The following CCDC85A variants were observed in gnomAD, a reference collection of about 807,000 sequenced individuals.
The protein encoded by CCDC85A is coiled-coil domain-containing protein 85A.
CCDC85A carries 38 observed loss-of-function variants against 50.2 expected under a neutral mutation model. That is an observed-to-expected ratio of 0.76 (90% CI 0.58 to 0.99). CCDC85A has a LOEUF of 0.99. Among genes scored for constraint, CCDC85A ranks in the 50% least tolerant of loss-of-function variants. The pLI is 0.00. For missense variants in CCDC85A, 820 were observed against 742.0 expected, an observed-to-expected ratio of 1.11 and a Z score of -1.22; for synonymous variants, 366 against 301.4, an observed-to-expected ratio of 1.21 and a Z score of -2.22.
intron 2 of CCDC85A, among the ~76,000 whole-genome samples, chr2:56,194,127 A>G (rs1222325969): frequency 1.3e-5 from 2 of 152,182 alleles, no homozygotes; most frequent in Non-Finnish European, 2.9e-5. Context: ...ACATATTCCA[A>G]ATAATATGCT....
intron 2 of CCDC85A, among the ~76,000 whole-genome samples, chr2:56,220,933 C>T (rs1376485844): frequency 1.3e-5 from 2 of 151,998 alleles, no homozygotes; most frequent in Non-Finnish European, 2.9e-5. Flanking sequence ...TAAATGGTCT[C>T]TCCATTTGCA....
At chr2:56,213,297 C>T (rs1463368483) in intron 2 of CCDC85A, among the ~76,000 whole-genome samples, 3 of 151,956 alleles carry the variant, frequency 2.0e-5, no homozygotes, top group African/African-American at 7.2e-5. Context: ...ATTTCAAGCT[C>T]ACTTAGTCCT....
intron 1 of CCDC85A, among the ~76,000 whole-genome samples, chr2:56,188,214 C>G (rs888749750): frequency 1.3e-5 from 2 of 152,168 alleles, no homozygotes; most frequent in African/African-American, 2.4e-5. Flanking sequence ...TTTGAAGAAG[C>G]TGGATCACAA....
rs374629664 is a variant in CCDC85A, at chr2:56,253,511, C to G, written c.1240+60071C>G. On this transcript the variant is annotated intron_variant, in intron 2 of 5. Transcript: ENST00000407595. Reference sequence around the variant, plus strand: ...AGCCATAGTACAGGTTTCATCTCATCCTAAAAGCAGCTGAGTTAGGGAGGG... The same window carrying G: ...AGCCATAGTACAGGTTTCATCTCATGCTAAAAGCAGCTGAGTTAGGGAGGG... 9.1e-4 allele frequency among the ~76,000 whole-genome samples: 139 copies of G among 152,092 alleles called. 1 individual carries two copies. The highest frequency in any genetic ancestry group is 1.9e-3 in the South Asian group (9 of 4,812).
chr2:56,184,613 C>G lies in CCDC85A; in HGVS notation c.-12C>G, dbSNP rs1303527459. 9.9e-6 allele frequency: 14 copies of G among 1,414,598 alleles called. No individual in the cohort carries two copies. Among genetic ancestry groups the G allele is most frequent in the Admixed American group, 3.4e-5 (1 of 29,744 alleles). 87.6% of individuals were successfully genotyped at this position (1,414,598 alleles called of 1,614,324 possible). A position where few individuals can be genotyped will look rare whatever the true frequency, so the allele number is the denominator to read the frequency against. ...TCTTCCACCCACTTGCACCTGCCAC[C>G]CCGCGGATACCATGTCGAAGGCGGC... On this transcript the variant is annotated 5_prime_UTR_variant, in exon 1 of 6. Transcript: ENST00000407595.
intron 2 of CCDC85A, among the ~76,000 whole-genome samples, chr2:56,251,156 A>G (rs548714008): frequency 2.6e-5 from 4 of 152,338 alleles, no homozygotes; most frequent in Admixed American, 6.5e-5. Flanking sequence ...TGTGTTGGTG[A>G]ACTTTGGGTG....
intron 2 of CCDC85A, among the ~76,000 whole-genome samples, chr2:56,232,941 A>G (rs1178658051): frequency 2.0e-5 from 3 of 151,996 alleles, no homozygotes; most frequent in Non-Finnish European, 4.4e-5. Context: ...TAATACCACA[A>G]TTTGCTTACC....
Position 56,193,512 on chromosome 2 carries a change from T to C in CCDC85A, c.1240+72T>C, listed in dbSNP as rs1026397832. The C allele has an allele frequency of 4.8e-6, 7 of 1,462,828 alleles. No individual in the cohort carries two copies. The African/African-American group carries it at 5.6e-5, about 12-fold the overall frequency. The allele number at this position is 1,462,828 out of a possible 1,614,324, so 90.6% of individuals were successfully genotyped here. On this transcript the variant is annotated intron_variant, in intron 2 of 5. Coordinates refer to ENST00000407595, the MANE Select transcript of CCDC85A (RefSeq NM_001080433.2). ...AGAGAGTTACGAATGATGATGGACT[T>C]TCCAGCCATGTAAGAAAGTGCAGGC...
intron 2 of CCDC85A, among the ~76,000 whole-genome samples, chr2:56,197,376 G>T (rs529559142): frequency 6.6e-6 from 1 of 152,130 alleles, no homozygotes; most frequent in South Asian, 2.1e-4. Flanking sequence ...CCAGGGTTGC[G>T]GGGGGTTGTA....
intron 2 of CCDC85A, among the ~76,000 whole-genome samples, chr2:56,290,759 A>C (rs1284301495): frequency 3.3e-5 from 5 of 152,224 alleles, no homozygotes; most frequent in Non-Finnish European, 5.9e-5. Context: ...ACTTTCCTCT[A>C]TACAGTTATC....
At chr2:56,219,121 A>G (rs923329220) in intron 2 of CCDC85A, among the ~76,000 whole-genome samples, 2 of 150,304 alleles carry the variant, frequency 1.3e-5, no homozygotes, top group South Asian at 2.1e-4. Context: ...TCACACTGAC[A>G]TGCATCCATG....
intron 2 of CCDC85A, among the ~76,000 whole-genome samples, chr2:56,203,717 C>T (rs1156665099): frequency 6.6e-6 from 1 of 152,136 alleles, no homozygotes; most frequent in African/African-American, 2.4e-5. Flanking sequence ...TATGTGGTTA[C>T]CTTAAACTGA....
intron 2 of CCDC85A, among the ~76,000 whole-genome samples, chr2:56,333,400 A>G (rs2104298588): frequency 6.6e-6 from 1 of 152,218 alleles, no homozygotes; most frequent in East Asian, 1.9e-4. Context: ...AGGAACAGAA[A>G]GGAGGCCCTT....
chr2:56,365,952 T>C (rs1395490469), intron 3 of CCDC85A, among the ~76,000 whole-genome samples: 1 of 151,446 alleles, frequency 6.6e-6, no homozygotes, highest in Non-Finnish European at 1.5e-5. Context: ...CTTTCTCCTC[T>C]CTAAGTAGAA....
intron 5 of CCDC85A, among the ~76,000 whole-genome samples, chr2:56,380,511 G>C (rs1482306676): frequency 6.6e-6 from 1 of 150,786 alleles, no homozygotes; most frequent in Admixed American, 6.6e-5. Context: ...AGTGAGCTAT[G>C]ATCATACCAC....
At position 56,385,910 on chromosome 2, in the gene CCDC85A, G is replaced by A. The variant is rs1336540931; in HGVS notation, c.*1555G>A. ...TGTTATTACTCTATAAAAGAAAATT[G>A]CTTGCTATATTTACACCTTCTTTCC... On this transcript the variant is annotated 3_prime_UTR_variant, in exon 6 of 6. Coordinates refer to ENST00000407595, the MANE Select transcript of CCDC85A (RefSeq NM_001080433.2). 1 of 151,760 alleles carries A rather than the reference G, an allele frequency of 6.6e-6. No individual in the cohort carries two copies. The highest frequency in any genetic ancestry group is 1.5e-5 in the Non-Finnish European group (1 of 67,740). The allele number at this position is 151,760 out of a possible 1,614,324, so 9.4% of individuals were successfully genotyped here.
At chr2:56,372,862 T>A (rs1341587746) in intron 4 of CCDC85A, among the ~76,000 whole-genome samples, 1 of 152,234 alleles carries the variant, frequency 6.6e-6, no homozygotes, top group East Asian at 1.9e-4. Context: ...TGTGTGATCA[T>A]GTGTAGCTTG....
rs770452666 is a variant in CCDC85A at position 56,316,691 on chromosome 2, G to A, written c.1241-26188G>A. Reference sequence around the variant, plus strand: ...TTGAGAAATTTTTTAGTAAGGGGATGTTCTGTGAAGTATACTCTTAAGGAT... The same window carrying A: ...TTGAGAAATTTTTTAGTAAGGGGATATTCTGTGAAGTATACTCTTAAGGAT... On this transcript the variant is annotated intron_variant, in intron 2 of 5. Transcript: ENST00000407595. Among the ~76,000 whole-genome samples the A allele has an allele frequency of 2.6e-5, 4 of 152,194 alleles. No homozygotes were observed. In the East Asian group the frequency reaches 5.8e-4, roughly 22 times the overall value.
chr2:56,376,060 G>T, intron 5 of CCDC85A, 125 bp downstream of exon 5: 1 of 989,338 alleles, frequency 1.0e-6, no homozygotes, highest in Non-Finnish European at 1.4e-6. Context: ...TCCTTATGGT[G>T]TAACTTTTTA....
Sources: gnomAD v4.1 joint callset for allele counts (sites outside exome capture counted in the v4.1 genomes callset) on GRCh38, gnomAD v4.1.1 for gene constraint, MANE v1.5 for transcripts, NCBI Gene and HGNC (gene_info 2026-07-23, HGNC 2026-07-21) for gene names.